The following CC2D2A variants were observed in gnomAD, a reference collection of about 807,000 sequenced individuals.
CC2D2A encodes coiled-coil and C2 domain containing 2A.
Under a neutral mutation model 212.9 loss-of-function variants are expected in CC2D2A, and 155 were observed. The ratio of observed to expected loss-of-function variants is 0.73; its 90% CI spans 0.64 to 0.83. The LOEUF is 0.83. CC2D2A is among the 40% of genes least tolerant of loss of function. The pLI, the probability that CC2D2A is intolerant of heterozygous loss-of-function variation, is 0.00. For synonymous variants in CC2D2A, 667 were observed against 686.5 expected (o/e 0.97, Z 0.44); for missense variants, 1,856 against 1,956.2 (o/e 0.95, Z 0.97).
rs1275912291 is a variant in CC2D2A, at chr4:15,516,600, G to A, written c.1018-25G>A. ...TTCTGTTCGATTAGAAGAAAATGTT[G>A]CCATTCCCTCTGCTTCATCTACAGG... On this transcript the variant is annotated intron_variant, in intron 10 of 36. Transcript: ENST00000424120. 3.8e-6 allele frequency: 6 copies of A among 1,597,134 alleles called. No individual in the cohort carries two copies. The East Asian group carries it at 1.3e-4, about 36-fold the overall frequency.
chr4:15,554,119 T>C (rs1452598770), intron 19 of CC2D2A, among the ~76,000 whole-genome samples: 1 of 152,202 alleles, frequency 6.6e-6, no homozygotes, highest in Non-Finnish European at 1.5e-5. Flanking sequence ...GCTATTTGCT[T>C]TCTAAGTCAG....
chr4:15,587,943 G>A lies in CC2D2A; in HGVS notation c.4179+14G>A. 2.7e-6 allele frequency: 4 copies of A among 1,477,004 alleles called. No individual in the cohort carries two copies. The highest frequency in any genetic ancestry group is 2.8e-6 in the Non-Finnish European group (3 of 1,057,486). The allele number at this position is 1,477,004 out of a possible 1,614,324, so 91.5% of individuals were successfully genotyped here. ...GCTATTCCTGAGGTAAGACCACATA[G>A]GCTGCCTTTAACAGAGGAGTATAGT... is the stretch of plus-strand genomic sequence containing the variant. On this transcript the variant is annotated intron_variant, in intron 32 of 36. Coordinates refer to ENST00000424120, the MANE Select transcript of CC2D2A (RefSeq NM_001378615.1).
chr4:15,548,335 C>A (rs1025007172), intron 17 of CC2D2A, among the ~76,000 whole-genome samples: 1 of 152,014 alleles, frequency 6.6e-6, no homozygotes, highest in Non-Finnish European at 1.5e-5. Context: ...AGGAATAAGC[C>A]GCCTTCCACT....
chr4:15,506,845 G>A (rs1253868613), intron 6 of CC2D2A, among the ~76,000 whole-genome samples: 3 of 151,798 alleles, frequency 2.0e-5, no homozygotes, highest in East Asian at 1.9e-4. Flanking sequence ...AGGCTGAGGC[G>A]GGCGGATCAC....
rs1717346009 is a variant in CC2D2A, at chr4:15,523,861, T to C, written c.1150-3586T>C. Among the ~76,000 whole-genome samples the C allele has an allele frequency of 2.0e-5, 3 of 152,170 alleles. No individual in the cohort carries two copies. In the South Asian group the frequency reaches 6.2e-4, roughly 32 times the overall value. On this transcript the variant is annotated intron_variant, in intron 11 of 36. Transcript: ENST00000424120. ...GCTTAACAACTCCAGAAGGAAAGAA[T>C]CATATTTTTCCCCACAGTTCACATT...
intron 35 of CC2D2A, 38 bp from the exon 36 acceptor site, chr4:15,599,491 T>C: frequency 7.3e-7 from 1 of 1,366,698 alleles, no homozygotes; most frequent in Admixed American, 2.3e-5. Context: ...AAGGGAAAAG[T>C]GAGTCACCAA....
At chr4:15,508,504 T>TG (rs1716385878) in intron 6 of CC2D2A, among the ~76,000 whole-genome samples, 2 of 152,238 alleles carry the variant, frequency 1.3e-5, no homozygotes, top group Non-Finnish European at 2.9e-5. Flanking sequence ...TTATATTTTA[T>TG]GTACATTTCC....
intron 11 of CC2D2A, among the ~76,000 whole-genome samples, chr4:15,518,428 G>A (rs1717007639): frequency 6.6e-6 from 1 of 152,218 alleles, no homozygotes; most frequent in Non-Finnish European, 1.5e-5. Context: ...ATGAGCTGGT[G>A]TTGAGTGTCT....
intron 4 of CC2D2A, among the ~76,000 whole-genome samples, chr4:15,492,571 T>G (rs147393807): frequency 0.024 from 3,610 of 151,968 alleles, 80 homozygotes; most frequent in Non-Finnish European, 0.035. Flanking sequence ...TGGGGCTCCC[T>G]AGGCTCCTCC....
In CC2D2A at chr4:15,597,312, G is replaced by T. The variant is rs1721361202; in HGVS notation, c.4438-95G>T. 1.1e-5 allele frequency: 10 copies of T among 897,104 alleles called. No homozygotes were observed. In the East Asian group the frequency reaches 2.6e-4, roughly 24 times the overall value. The allele number at this position is 897,104 out of a possible 1,614,324, so 55.6% of individuals were successfully genotyped here. A position where few individuals can be genotyped will look rare whatever the true frequency, so the allele number is the denominator to read the frequency against. On this transcript the variant is annotated intron_variant, in intron 34 of 36. Coordinates refer to ENST00000424120, the MANE Select transcript of CC2D2A (RefSeq NM_001378615.1). ...ATTATATTATTTTCTATATCTCGAT[G>T]TCTGAGATTTCATTGATTTTTAAGA...
intron 13 of CC2D2A, among the ~76,000 whole-genome samples, chr4:15,531,147 C>A (rs755415138): frequency 6.6e-6 from 1 of 152,096 alleles, no homozygotes; most frequent in Non-Finnish European, 1.5e-5. Context: ...ATACTATCTC[C>A]GCTCTCTCCC....
chr4:15,557,648 C>A (rs986023216), intron 21 of CC2D2A, 141 bp downstream of exon 21: 7 of 536,702 alleles, frequency 1.3e-5, no homozygotes, highest in African/African-American at 9.7e-5. Flanking sequence ...TTATACATAA[C>A]CTTTCCATGC....
intron 26 of CC2D2A, 83 bp from the exon 27 acceptor site, chr4:15,569,210 T>C: frequency 1.4e-6 from 1 of 737,154 alleles, no homozygotes. Flanking sequence ...CATATTTGGG[T>C]ATTTTTCAAA....
chr4:15,576,991 TTTG>T (rs999043978), intron 29 of CC2D2A, among the ~76,000 whole-genome samples: 7 of 152,322 alleles, frequency 4.6e-5, no homozygotes, highest in Admixed American at 6.5e-5. Context: ...GCTTTTCTTT[TTTG>T]TTGTTGTTTT....
chr4:15,582,570 A>C (rs910088038), intron 30 of CC2D2A, among the ~76,000 whole-genome samples: 3 of 152,308 alleles, frequency 2.0e-5, no homozygotes, highest in Admixed American at 2.0e-4. Context: ...TATTTGAACA[A>C]TTATGAACCA....
chr4:15,546,799 C>T (rs941044024), intron 17 of CC2D2A, among the ~76,000 whole-genome samples: 1 of 152,078 alleles, frequency 6.6e-6, no homozygotes, highest in Admixed American at 6.6e-5. Context: ...AGTCGGGTGG[C>T]GGCTGCAGGG....
At position 15,514,869 on chromosome 4, in the gene CC2D2A, G is replaced by C. The variant is rs201986486; in HGVS notation, c.880G>C (p.Val294Leu). 3.7e-6 allele frequency: 6 copies of C among 1,613,022 alleles called. No individual in the cohort carries two copies. The East Asian group carries it at 1.1e-4, about 30-fold the overall frequency. ...EMLFIPSRQT[V>L]PTYKKLPENV... ...GCTCTTCATACCCAGTAGGCAGACAGGTACTTGCTCTTTTTATTTTCTTGT... is the reference window on the plus strand; with the variant it reads ...GCTCTTCATACCCAGTAGGCAGACACGTACTTGCTCTTTTTATTTTCTTGT... Residue 294 changes from valine (V) to leucine (L), a missense_variant and splice_region_variant, in exon 9 of 37, where the codon GTC becomes CTC. By Grantham distance (32) the Val-to-Leu change is conservative. Around this residue, in one of 5 missense-constraint regions of CC2D2A, gnomAD observed 1,512 missense variants for 1,579.3 expected, o/e 0.96. Coordinates refer to ENST00000424120, the MANE Select transcript of CC2D2A (RefSeq NM_001378615.1).
intron 31 of CC2D2A, among the ~76,000 whole-genome samples, chr4:15,587,163 TA>T: frequency 6.6e-6 from 1 of 152,228 alleles, no homozygotes; most frequent in Non-Finnish European, 1.5e-5. Context: ...TAGATTCTCA[TA>T]AGGCCTGCAC....
chr4:15,557,269 G>A, intron 20 of CC2D2A, 35 bp from the exon 21 acceptor site: 1 of 1,486,844 alleles, frequency 6.7e-7, no homozygotes, highest in South Asian at 1.2e-5. Context: ...AGATCTGACT[G>A]TCATCTGGAG....
Sources: allele counts gnomAD v4.1 joint callset (sites outside exome capture counted in the v4.1 genomes callset), GRCh38; gene constraint gnomAD v4.1.1; regional missense constraint gnomAD v4.1.1; transcripts MANE v1.5; gene names NCBI Gene and HGNC (gene_info 2026-07-23, HGNC 2026-07-21).